The following NME8 variants were observed in gnomAD, a reference collection of about 807,000 sequenced individuals.
The protein encoded by NME8 is protein NME8.
In NME8, 72 loss-of-function variants were observed where a neutral mutation model predicts 82.3. The ratio of observed to expected loss-of-function variants is 0.87; its 90% CI spans 0.72 to 1.06. The LOEUF is 1.06. Among genes scored for constraint, NME8 ranks in the 50% least tolerant of loss-of-function variants. The pLI is 0.00. For missense variants in NME8, 712 were observed against 685.4 expected, an observed-to-expected ratio of 1.04 and a Z score of -0.43; for synonymous variants, 267 against 228.5, an observed-to-expected ratio of 1.17 and a Z score of -1.52.
rs994522056 is a variant in NME8 at position 37,882,661 on chromosome 7, A to G, written c.995-1642A>G. On this transcript the variant is annotated intron_variant, in intron 12 of 17. Coordinates refer to ENST00000199447, the MANE Select transcript of NME8 (RefSeq NM_016616.5). The stretch of plus-strand genomic sequence containing the variant: ...AAAGAAAGAGAAAGAAAGAAAGAGA[A>G]AGAAAGAAAGAAAGGTCAACAAGGT... Among the ~76,000 whole-genome samples the G allele has an allele frequency of 6.1e-5, 9 of 146,742 alleles. No homozygotes were observed. In the South Asian group the frequency reaches 6.6e-4, roughly 11 times the overall value.
intron 11 of NME8, among the ~76,000 whole-genome samples, chr7:37,869,811 C>T (rs1796065702): frequency 6.6e-6 from 1 of 152,128 alleles, no homozygotes; most frequent in African/African-American, 2.4e-5. Context: ...GGCTCAGAAA[C>T]TGATACTCAA....
chr7:37,879,940 T>C (rs1012895177), intron 12 of NME8, among the ~76,000 whole-genome samples: 2 of 152,210 alleles, frequency 1.3e-5, no homozygotes, highest in Non-Finnish European at 2.9e-5. Flanking sequence ...TACAATTCCC[T>C]AATGACATAT....
chr7:37,853,637 T>A (rs995599929), intron 5 of NME8, among the ~76,000 whole-genome samples: 3 of 152,044 alleles, frequency 2.0e-5, no homozygotes, highest in Admixed American at 1.3e-4. Flanking sequence ...GACCTGCCCA[T>A]AAAGGTGAAA....
intron 2 of NME8, among the ~76,000 whole-genome samples, chr7:37,849,402 C>T (rs1407886690): frequency 6.6e-6 from 1 of 152,084 alleles, no homozygotes; most frequent in South Asian, 2.1e-4. Flanking sequence ...CGTGTAACTC[C>T]TAACATTCTT....
chr7:37,862,237 G>A (rs1477584639), intron 7 of NME8, 93 bp downstream of exon 7: 1 of 816,412 alleles, frequency 1.2e-6, no homozygotes, highest in African/African-American at 1.7e-5. Flanking sequence ...TACCTCTAAA[G>A]GCTTTGAGTA....
At chr7:37,857,902 A>C (rs1400028434) in intron 6 of NME8, among the ~76,000 whole-genome samples, 2 of 152,188 alleles carry the variant, frequency 1.3e-5, no homozygotes, top group East Asian at 3.8e-4. Context: ...CACAACTTTA[A>C]TAATCAGACA....
chr7:37,884,341 A>G lies in NME8; in HGVS notation c.1033A>G (p.Ile345Val). The G allele has an allele frequency of 1.3e-6, 2 of 1,598,578 alleles. No individual in the cohort carries two copies. Among genetic ancestry groups the G allele is most frequent in the Non-Finnish European group, 1.7e-6 (2 of 1,165,916 alleles). ...LRIIKDEDFK[I>V]LEQRQVVLSE... Reference sequence around the variant, plus strand: ...TATTATTAAAGATGAAGACTTCAAAATACTGGAGCAAAGACAAGTAGTATT... The same window carrying G: ...TATTATTAAAGATGAAGACTTCAAAGTACTGGAGCAAAGACAAGTAGTATT... The change falls in exon 13 of 18, where the codon ATA becomes GTA. Residue 345 changes from isoleucine to valine, a missense_variant. By Grantham distance (29) the Ile-to-Val change is conservative (BLOSUM62 3). Transcript: ENST00000199447.
intron 5 of NME8, among the ~76,000 whole-genome samples, chr7:37,853,514 T>C (rs1033775975): frequency 6.6e-6 from 1 of 152,188 alleles, no homozygotes; most frequent in South Asian, 2.1e-4. Context: ...GTCTAACAGC[T>C]GACAGATGGA....
chr7:37,855,729 C>T (rs951626099), intron 5 of NME8, among the ~76,000 whole-genome samples: 2 of 152,108 alleles, frequency 1.3e-5, no homozygotes, highest in African/African-American at 4.8e-5. Context: ...AGCTTTAGAT[C>T]CCTCGCTTAC....
In NME8 at chr7:37,896,880, A is replaced by G. The variant is rs759926208; in HGVS notation, c.1555A>G (p.Met519Val). 5.0e-6 allele frequency: 8 copies of G among 1,613,360 alleles called. No homozygotes were observed. The highest frequency in any genetic ancestry group is 1.6e-4 in the Middle Eastern group (1 of 6,072). The change falls in exon 17 of 18, where the codon ATG (methionine) becomes GTG (valine). Residue 519 changes from methionine to valine, a missense_variant. Physicochemically the swap from Met to Val is conservative, Grantham distance 21 (BLOSUM62 1). Transcript: ENST00000199447. ...CACCGTTCTTTGCAGGGGTCCATCT[A>G]TGGTCATGATTCTGACCAAGTGGAA... The part of the protein sequence containing the change: ...LLEMLSVGPS[M>V]VMILTKWNAV...
intron 12 of NME8, among the ~76,000 whole-genome samples, 165 bp downstream of exon 12, chr7:37,877,172 CAT>C: frequency 6.6e-6 from 1 of 152,206 alleles, no homozygotes; most frequent in East Asian, 1.9e-4. Context: ...GTGAATAAAA[CAT>C]ATTTGTAGCT....
At position 37,882,600 on chromosome 7, in the gene NME8, AGAGAGAGAGAGAG is replaced by A. The variant is rs1562838240; in HGVS notation, c.995-1702_995-1690del. 3.5e-3 allele frequency among the ~76,000 whole-genome samples: 282 copies of A among 80,002 alleles called. 2 individuals carry two copies. The highest frequency in any genetic ancestry group is 4.4e-3 in the Non-Finnish European group (159 of 36,474). 52.5% of individuals were successfully genotyped at this position (80,002 alleles called of 152,430 possible). A position where few individuals can be genotyped will look rare whatever the true frequency, so the allele number is the denominator to read the frequency against. ...GAAAGAAAGAAAGAAAGAAAGAAAG[AGAGAGAGAGAGAG>A]AGAAAGAAAGAAAGAAAGAAAGAAA... On this transcript the variant is annotated intron_variant, in intron 12 of 17. Transcript: ENST00000199447.
At chr7:37,864,822 C>A (rs973893596) in intron 9 of NME8, among the ~76,000 whole-genome samples, 1 of 152,124 alleles carries the variant, frequency 6.6e-6, no homozygotes, top group Admixed American at 6.5e-5. Context: ...TCACATCTTA[C>A]GTGGATGGCA....
At chr7:37,892,680 T>G (rs1785148044) in intron 15 of NME8, among the ~76,000 whole-genome samples, 1 of 152,078 alleles carries the variant, frequency 6.6e-6, no homozygotes, top group Non-Finnish European at 1.5e-5. Flanking sequence ...TAAGTTACAT[T>G]AGACACCTAG....
Position 37,864,352 on chromosome 7 carries a change from A to G in NME8, c.459A>G (p.Glu153=), listed in dbSNP as rs747826248. 1.2e-5 allele frequency: 19 copies of G among 1,593,148 alleles called. No individual in the cohort carries two copies. The highest frequency in any genetic ancestry group is 1.6e-5 in the Non-Finnish European group (19 of 1,164,354). The change falls in exon 9 of 18, where the codon GAA becomes GAG. Residue 153 remains glutamate (E), a synonymous_variant. Transcript: ENST00000199447. ...TTTTTCTAAATTTTTTTCCAGAGGA[A>G]TTATACAGTATTGCTATTATCAAAC... The part of the protein sequence containing the change: ...SEESPCESVQ[E]LYSIAIIKPD...
intron 6 of NME8, among the ~76,000 whole-genome samples, chr7:37,859,365 C>T (rs905259667): frequency 2.0e-5 from 3 of 152,142 alleles, no homozygotes; most frequent in African/African-American, 7.2e-5. Context: ...CCCCTATCTC[C>T]CAAACCTTTC....
intron 10 of NME8, among the ~76,000 whole-genome samples, chr7:37,866,215 A>G (rs1784674999): frequency 6.6e-6 from 1 of 152,108 alleles, no homozygotes; most frequent in African/African-American, 2.4e-5. Context: ...ATTTAAATTC[A>G]TTAAGATTAA....
chr7:37,897,781 T>C (rs62445987), intron 17 of NME8, among the ~76,000 whole-genome samples: 4,310 of 152,076 alleles, frequency 0.028, 101 homozygotes, highest in East Asian at 0.087. Flanking sequence ...TTTTCTGTTC[T>C]GGTGTTAGTT....
intron 5 of NME8, among the ~76,000 whole-genome samples, chr7:37,853,928 A>G (rs1301503740): frequency 6.6e-6 from 1 of 150,508 alleles, no homozygotes; most frequent in Non-Finnish European, 1.5e-5. Flanking sequence ...TTACTGTTAT[A>G]TTATTATTAA....
Sources: allele counts gnomAD v4.1 joint callset (sites outside exome capture counted in the v4.1 genomes callset), GRCh38; gene constraint gnomAD v4.1.1; transcripts MANE v1.5; gene names NCBI Gene and HGNC (gene_info 2026-07-23, HGNC 2026-07-21).